Variants in TSG101 observed in about 807,000 individuals in gnomAD.
TSG101 encodes tumor susceptibility 101, also known as tumor susceptibility gene 101 protein.
A neutral mutation model predicts 48.5 loss-of-function variants in TSG101; 19 were observed. The observed-to-expected ratio is 0.39, with a 90% CI of 0.27 to 0.58. TSG101 has a LOEUF of 0.58. TSG101 is among the 20% of genes least tolerant of loss of function. The probability of loss-of-function intolerance (pLI) is 0.55; values close to 1 mark genes in which losing one functional copy is unlikely to be tolerated. For synonymous variants in TSG101, 174 were observed against 169.4 expected (o/e 1.03, Z -0.21); for missense variants, 365 against 484.4 (o/e 0.75, Z 2.31).
At chr11:18,487,440 G>C (rs970976452) in intron 7 of TSG101, among the ~76,000 whole-genome samples, 1 of 151,996 alleles carries the variant, frequency 6.6e-6, no homozygotes, top group African/African-American at 2.4e-5. Context: ...CAAAGGATTA[G>C]AAAAAATGTA....
intron 7 of TSG101, among the ~76,000 whole-genome samples, chr11:18,485,967 C>G (rs1034510591): frequency 1.3e-5 from 2 of 152,202 alleles, no homozygotes; most frequent in African/African-American, 4.8e-5. Context: ...CCCACCCTTT[C>G]CCATTGATTC....
chr11:18,490,804 C>A (rs1441483869), intron 7 of TSG101: 1 of 538,550 alleles, frequency 1.9e-6, no homozygotes, highest in African/African-American at 1.9e-5. Context: ...GGGCACCAAC[C>A]ATGTTCTTGT....
At chr11:18,494,663 T>C (rs908730042) in intron 7 of TSG101, among the ~76,000 whole-genome samples, 5 of 152,182 alleles carry the variant, frequency 3.3e-5, no homozygotes, top group Admixed American at 2.6e-4. Flanking sequence ...ACGCTACTTA[T>C]CCTGAAGATG....
chr11:18,486,016 T>C (rs887887566), intron 7 of TSG101, among the ~76,000 whole-genome samples: 1 of 152,208 alleles, frequency 6.6e-6, no homozygotes, highest in Non-Finnish European at 1.5e-5. Context: ...AATGTTGCCT[T>C]TTCCAATACT....
Position 18,507,029 on chromosome 11 carries a change from A to G in TSG101, c.482-106T>C, listed in dbSNP as rs544602133. 17 of 791,540 alleles carry G rather than the reference A, an allele frequency of 2.1e-5. No individual in the cohort carries two copies. The South Asian group carries it at 4.3e-4, about 20-fold the overall frequency. 49.0% of individuals were successfully genotyped at this position (791,540 alleles called of 1,614,324 possible). A position where few individuals can be genotyped will look rare whatever the true frequency, so the allele number is the denominator to read the frequency against. On this transcript the variant is annotated intron_variant, in intron 5 of 9. Coordinates refer to ENST00000251968, the MANE Select transcript of TSG101 (RefSeq NM_006292.4). The stretch of plus-strand genomic sequence containing the variant: ...CTGTCAATACACAGCAAAATTTCAC[A>G]GTTAAAAAATCCAAATCTCAGCACC...
At chr11:18,498,426 T>G (rs2133914563) in intron 7 of TSG101, among the ~76,000 whole-genome samples, 1 of 152,246 alleles carries the variant, frequency 6.6e-6, no homozygotes, top group Middle Eastern at 3.4e-3. Context: ...TGAAGTAAAT[T>G]AGATGAGCCA....
intron 7 of TSG101, among the ~76,000 whole-genome samples, chr11:18,486,870 A>G (rs1244704757): frequency 6.6e-6 from 1 of 152,104 alleles, no homozygotes; most frequent in Non-Finnish European, 1.5e-5. Flanking sequence ...AACCAACCCA[A>G]ATGTCCAACA....
chr11:18,484,192 A>C, intron 7 of TSG101, 120 bp from the exon 8 acceptor site: 1 of 907,754 alleles, frequency 1.1e-6, no homozygotes, highest in East Asian at 2.5e-5. Context: ...GAGGAAAGAA[A>C]AAAATTATGT....
chr11:18,525,068 T>C (rs1850345396), intron 1 of TSG101, among the ~76,000 whole-genome samples: 1 of 151,822 alleles, frequency 6.6e-6, no homozygotes, highest in Admixed American at 6.6e-5. Context: ...CCCGCCATCA[T>C]GCCCGGCTAA....
At chr11:18,514,204 A>C (rs561149318) in intron 4 of TSG101, among the ~76,000 whole-genome samples, 6 of 152,180 alleles carry the variant, frequency 3.9e-5, no homozygotes, top group Non-Finnish European at 8.8e-5. Flanking sequence ...GATTGCCTAA[A>C]CAGCTTTCCA....
intron 8 of TSG101, 123 bp from the exon 9 acceptor site, chr11:18,481,992 A>C: frequency 7.6e-7 from 1 of 1,313,884 alleles, no homozygotes; most frequent in Non-Finnish European, 1.0e-6. Context: ...GGATGAGAAT[A>C]ATGTTTCAAA....
At chr11:18,480,686 C>T (rs1849518096) in intron 9 of TSG101, 51 bp from the exon 10 acceptor site, 22 of 1,540,328 alleles carry the variant, frequency 1.4e-5, no homozygotes, top group Non-Finnish European at 2.0e-5. Flanking sequence ...GATTTAGGCC[C>T]AGGCATAAAA....
chr11:18,513,166 C>T (rs1189552754), intron 4 of TSG101, among the ~76,000 whole-genome samples: 1 of 152,138 alleles, frequency 6.6e-6, no homozygotes, highest in Non-Finnish European at 1.5e-5. Flanking sequence ...CAATTGCCTC[C>T]TCAACCTAAG....
At chr11:18,484,830 A>G (rs1271240096) in intron 7 of TSG101, among the ~76,000 whole-genome samples, 1 of 151,144 alleles carries the variant, frequency 6.6e-6, no homozygotes, top group Non-Finnish European at 1.5e-5. Context: ...TTCTTCAGTT[A>G]TTGTCCCAAA....
Position 18,497,975 on chromosome 11 carries a change from T to TA in TSG101, c.640+4510dup, listed in dbSNP as rs368528074. Among the ~76,000 whole-genome samples, 213 of 151,444 alleles carry TA rather than the reference T, an allele frequency of 1.4e-3. 1 individual carries two copies. Among genetic ancestry groups the TA allele is most frequent in the African/African-American group, 4.7e-3 (194 of 41,254 alleles). ...GTTATCAGAAAACATAACAGAAAAA[T>TA]AAACTTCACAAGATTCTATGTTCAT... On this transcript the variant is annotated intron_variant, in intron 7 of 9. Transcript: ENST00000251968.
At chr11:18,501,870 C>T (rs1316807052) in intron 7 of TSG101, among the ~76,000 whole-genome samples, 1 of 152,086 alleles carries the variant, frequency 6.6e-6, no homozygotes, top group Non-Finnish European at 1.5e-5. Context: ...AGTGATGCCC[C>T]TGAGTACATT....
intron 7 of TSG101, 115 bp downstream of exon 7, chr11:18,502,371 A>C: frequency 1.4e-6 from 1 of 704,140 alleles, no homozygotes; most frequent in South Asian, 2.2e-5. Flanking sequence ...ACATTATTAT[A>C]GGTTTTCCTC....
At chr11:18,508,403 C>T (rs553579709) in intron 5 of TSG101, 1 of 151,908 alleles carries the variant, frequency 6.6e-6, no homozygotes, top group South Asian at 2.1e-4. Flanking sequence ...TCATGTTGGC[C>T]AAGCTGGTCT....
At chr11:18,500,016 G>A (rs542330410) in intron 7 of TSG101, among the ~76,000 whole-genome samples, 4 of 152,004 alleles carry the variant, frequency 2.6e-5, no homozygotes, top group South Asian at 2.1e-4. Flanking sequence ...CCCACACACC[G>A]TTCTTAAGTC....
Sources: allele counts gnomAD v4.1 joint callset (sites outside exome capture counted in the v4.1 genomes callset), GRCh38; gene constraint gnomAD v4.1.1; transcripts MANE v1.5; gene names NCBI Gene and HGNC (gene_info 2026-07-23, HGNC 2026-07-21).